MAP4K4: variants seen among roughly 807,000 people sequenced by gnomAD.
MAP4K4 encodes the protein HPK/GCK-like kinase HGK.
A neutral mutation model predicts 189.6 loss-of-function variants in MAP4K4; 38 were observed. That is an observed-to-expected ratio of 0.20 (90% CI 0.15 to 0.26). The LOEUF is 0.26. Ranked by LOEUF, MAP4K4 falls within the 10% of genes least tolerant of loss-of-function variation. The pLI is 1.00. For synonymous variants in MAP4K4, 610 were observed against 624.3 expected, an observed-to-expected ratio of 0.98 and a Z score of 0.34; for missense variants, 1,054 against 1,726.9, an observed-to-expected ratio of 0.61 and a Z score of 6.91.
chr2:101,723,614 T>C (rs1388425476), intron 2 of MAP4K4, among the ~76,000 whole-genome samples: 1 of 152,198 alleles, frequency 6.6e-6, no homozygotes, highest in Non-Finnish European at 1.5e-5. Flanking sequence ...TCAGTAAGGG[T>C]AAGTCTAGAG....
intron 2 of MAP4K4, among the ~76,000 whole-genome samples, chr2:101,764,322 TAGAA>T (rs1299248780): frequency 4.6e-5 from 7 of 152,210 alleles, no homozygotes; most frequent in Non-Finnish European, 8.8e-5. Context: ...TTCATTTTGT[TAGAA>T]AGGCCATTAT....
At position 101,859,868 on chromosome 2, in the gene MAP4K4, T is replaced by A; in HGVS notation, c.1704+4T>A. The A allele has an allele frequency of 6.3e-7, 1 of 1,591,442 alleles. No homozygotes were observed. The highest frequency in any genetic ancestry group is 1.8e-5 in the Admixed American group (1 of 56,586). ...GCCTGCTGACCGAGCGCGAGAGGTA[T>A]CCTCTTTCCTTTGTCACTTAGACAT... On this transcript the variant is annotated splice_donor_region_variant and intron_variant, in intron 15 of 32. Coordinates refer to ENST00000324219, the Ensembl canonical transcript of MAP4K4.
At chr2:101,737,708 G>C (rs1047534963) in intron 2 of MAP4K4, among the ~76,000 whole-genome samples, 1 of 151,340 alleles carries the variant, frequency 6.6e-6, no homozygotes, top group Admixed American at 6.6e-5. Flanking sequence ...TTCTATGTCT[G>C]GAACAGGTGA....
intron 3 of MAP4K4, chr2:101,797,427 C>T (rs1339156753): frequency 5.5e-6 from 7 of 1,280,672 alleles, no homozygotes; most frequent in Middle Eastern, 2.3e-4. Flanking sequence ...GTATCCCCCT[C>T]CTGCACCGCC....
chr2:101,712,227 C>CTCTG (rs1406862787), intron 2 of MAP4K4, among the ~76,000 whole-genome samples: 5 of 152,052 alleles, frequency 3.3e-5, no homozygotes, highest in Non-Finnish European at 5.9e-5. Flanking sequence ...TGGAGTGTCG[C>CTCTG]TCTGTCACTC....
In MAP4K4 at chr2:101,855,186, G is replaced by T. The variant is rs375153469; in HGVS notation, c.1234-791G>T. On this transcript the variant is annotated intron_variant, in intron 12 of 32. Coordinates refer to ENST00000324219, the Ensembl canonical transcript of MAP4K4. ...AAGGCTGAGTGAGTCTGGTGATTCAGTAGCACCTTTTACACCTGTTGATGG... is the reference window on the plus strand; with the variant it reads ...AAGGCTGAGTGAGTCTGGTGATTCATTAGCACCTTTTACACCTGTTGATGG... Among the ~76,000 whole-genome samples, 26 of 152,212 alleles carry T rather than the reference G, an allele frequency of 1.7e-4. 2 individuals are homozygous for T. Among genetic ancestry groups the T allele is most frequent in the Admixed American group, 1.4e-3 (21 of 15,284 alleles).
In MAP4K4 at chr2:101,750,489, A is replaced by G. The variant is rs1047246668; in HGVS notation, c.124-40231A>G. Among the ~76,000 whole-genome samples, 11 of 133,800 alleles carry G rather than the reference A, an allele frequency of 8.2e-5. No individual in the cohort carries two copies. The East Asian group carries it at 1.0e-3, about 12-fold the overall frequency. The allele number at this position is 133,800 out of a possible 152,430, so 87.8% of individuals were successfully genotyped here. A position where few individuals can be genotyped will look rare whatever the true frequency, so the allele number is the denominator to read the frequency against. ...ATCACATGGACACAGGAAGGGGACT[A>G]TCACACTCTGGGGACTGTGGTGGGG... On this transcript the variant is annotated intron_variant, in intron 2 of 32. Coordinates refer to ENST00000324219, the Ensembl canonical transcript of MAP4K4.
intron 3 of MAP4K4, among the ~76,000 whole-genome samples, chr2:101,794,940 A>G (rs565926789): frequency 3.9e-5 from 6 of 152,206 alleles, no homozygotes; most frequent in African/African-American, 1.2e-4. Context: ...TTTCTCTCCT[A>G]TATTTCCTGT....
chr2:101,880,010 T>C (rs2098337389), intron 27 of MAP4K4, among the ~76,000 whole-genome samples: 2 of 152,228 alleles, frequency 1.3e-5, no homozygotes, highest in African/African-American at 2.4e-5. Context: ...GTATTTCTTC[T>C]ATCTTTAATC....
chr2:101,878,555 G>T (rs2098280423), intron 27 of MAP4K4, among the ~76,000 whole-genome samples: 1 of 152,146 alleles, frequency 6.6e-6, no homozygotes, highest in South Asian at 2.1e-4. Context: ...TTCTCTTGCT[G>T]CCCTTTAGGT....
intron 2 of MAP4K4, among the ~76,000 whole-genome samples, chr2:101,771,262 A>G (rs2081295317): frequency 6.6e-6 from 1 of 152,198 alleles, no homozygotes. Context: ...TTGGGTGAGC[A>G]TAATGGGAAA....
intron 2 of MAP4K4, among the ~76,000 whole-genome samples, chr2:101,709,573 C>G (rs527649909): frequency 6.6e-6 from 1 of 152,252 alleles, no homozygotes; most frequent in East Asian, 1.9e-4. Context: ...TCACTATCAG[C>G]GAGGTCACTG....
At chr2:101,703,172 C>T (rs1247636489) in intron 2 of MAP4K4, among the ~76,000 whole-genome samples, 4 of 151,990 alleles carry the variant, frequency 2.6e-5, no homozygotes, top group Admixed American at 2.6e-4. Flanking sequence ...GGCAGTGGTC[C>T]AGTGACAGGA....
chr2:101,887,039 AAAAAAT>A (rs768526996), intron 29 of MAP4K4, 43 bp from the exon 30 acceptor site: 1 of 1,367,186 alleles, frequency 7.3e-7, no homozygotes, highest in African/African-American at 1.5e-5. Flanking sequence ...AAAAAAAAAA[AAAAAAT>A]GTTCTCCTTC....
At chr2:101,891,137 C>T (rs1270852694) in intron 32 of MAP4K4, 29 bp from the exon 33 acceptor site, 2 of 1,577,230 alleles carry the variant, frequency 1.3e-6, no homozygotes, top group African/African-American at 1.3e-5. Context: ...ACCATGGTAA[C>T]CATTCCCTCT....
chr2:101,825,756 G>A (rs2096323989), intron 5 of MAP4K4, among the ~76,000 whole-genome samples: 1 of 152,164 alleles, frequency 6.6e-6, no homozygotes, highest in African/African-American at 2.4e-5. Flanking sequence ...TCCAACTATT[G>A]TTTTTAAAGG....
intron 12 of MAP4K4, among the ~76,000 whole-genome samples, chr2:101,852,851 A>G (rs1045113624): frequency 6.6e-6 from 1 of 152,140 alleles, no homozygotes; most frequent in African/African-American, 2.4e-5. Context: ...AGGGGAAAAA[A>G]CTGAGTATGT....
At chr2:101,800,589 A>G (rs1216068829) in intron 3 of MAP4K4, among the ~76,000 whole-genome samples, 1 of 152,328 alleles carries the variant, frequency 6.6e-6, no homozygotes, top group East Asian at 1.9e-4. Flanking sequence ...AAAGTATCAT[A>G]TTCATTCTTA....
chr2:101,726,006 C>T (rs1245083039), intron 2 of MAP4K4, among the ~76,000 whole-genome samples: 1 of 152,076 alleles, frequency 6.6e-6, no homozygotes, highest in South Asian at 2.1e-4. Flanking sequence ...TATCTAGTGC[C>T]CCCTGTCGGG....
Sources: gnomAD v4.1 joint callset for allele counts (sites outside exome capture counted in the v4.1 genomes callset) on GRCh38, gnomAD v4.1.1 for gene constraint, MANE v1.5 for transcripts, NCBI Gene and HGNC (gene_info 2026-07-23, HGNC 2026-07-21) for gene names.